B3GAT2: variants seen among roughly 807,000 people sequenced by gnomAD.
B3GAT2 encodes beta-1,3-glucuronyltransferase 2.
A neutral mutation model predicts 27.8 loss-of-function variants in B3GAT2; 26 were observed. The ratio of observed to expected loss-of-function variants is 0.93; its 90% CI spans 0.68 to 1.30. The LOEUF (loss-of-function observed/expected upper bound fraction) is 1.30, where lower values mean the gene tolerates loss of function less well. Among genes scored for constraint, B3GAT2 ranks in the 50% most tolerant of loss-of-function variants. The pLI is 0.00. For missense variants in B3GAT2, 458 were observed against 459.0 expected (o/e 1.00, Z 0.02); for synonymous variants, 218 against 195.1 (o/e 1.12, Z -0.98).
intron 1 of B3GAT2, among the ~76,000 whole-genome samples, chr6:70,905,579 A>T (rs1772588429): frequency 6.6e-6 from 1 of 152,170 alleles, no homozygotes; most frequent in African/African-American, 2.4e-5. Context: ...ATTCCCCAAA[A>T]TGGGTTTCAA....
At chr6:70,871,205 TCTG>T (rs1248197816) in intron 2 of B3GAT2, among the ~76,000 whole-genome samples, 11 of 137,868 alleles carry the variant, frequency 8.0e-5, no homozygotes, top group African/African-American at 2.6e-4. Flanking sequence ...TATAGGTCTG[TCTG>T]TTTTTTTTTT....
Position 70,858,106 on chromosome 6 carries a change from T to C in B3GAT2, c.*3557A>G, listed in dbSNP as rs767098838. 1.2e-6 allele frequency: 2 copies of C among 1,613,922 alleles called. No individual in the cohort carries two copies. The highest frequency in any genetic ancestry group is 3.3e-5 in the Admixed American group (2 of 59,986). ...ATGGGTTTATGGGAAATGCACAAAC[T>C]GGTGTGATGCCACTTCCTCAGAACG... On this transcript the variant is annotated 3_prime_UTR_variant, in exon 4 of 4. Transcript: ENST00000230053.
chr6:70,944,809 T>C (rs970299748), intron 1 of B3GAT2, among the ~76,000 whole-genome samples: 5 of 152,140 alleles, frequency 3.3e-5, no homozygotes, highest in African/African-American at 9.7e-5. Flanking sequence ...GCAGCCTAAC[T>C]GGGAGGCACC....
chr6:70,917,622 A>G (rs1160666916), intron 1 of B3GAT2, among the ~76,000 whole-genome samples: 1 of 152,192 alleles, frequency 6.6e-6, no homozygotes, highest in African/African-American at 2.4e-5. Context: ...GCTTCACAGA[A>G]CATTGTTATT....
At chr6:70,898,888 G>A (rs560557370) in intron 1 of B3GAT2, among the ~76,000 whole-genome samples, 7 of 151,940 alleles carry the variant, frequency 4.6e-5, no homozygotes, top group Admixed American at 2.0e-4. Context: ...GCTTGAGCCC[G>A]GGAAGTAGAG....
chr6:70,891,470 T>C (rs1041799881), intron 2 of B3GAT2, among the ~76,000 whole-genome samples: 1 of 152,058 alleles, frequency 6.6e-6, no homozygotes, highest in Non-Finnish European at 1.5e-5. Flanking sequence ...AACATGGCAA[T>C]AAAATGACAG....
intron 1 of B3GAT2, among the ~76,000 whole-genome samples, chr6:70,918,331 GTCTTGAC>G (rs374235756): frequency 1.3e-3 from 191 of 152,186 alleles, no homozygotes; most frequent in African/African-American, 4.4e-3. Flanking sequence ...ACAGTCAAGG[GTCTTGAC>G]TCTTTATCCA....
chr6:70,956,783 T>G lies in B3GAT2; in HGVS notation c.-354A>C. 1 of 1,115,814 alleles carries G rather than the reference T, an allele frequency of 9.0e-7. No individual in the cohort carries two copies. Among genetic ancestry groups the G allele is most frequent in the Non-Finnish European group, 1.1e-6 (1 of 913,192 alleles). 69.1% of individuals were successfully genotyped at this position (1,115,814 alleles called of 1,614,324 possible). ...TCCCCACCGCGCTCTTTCTGAAGAG[T>G]GGAAGCCGAGAAGCGGCACCCGGTG... On this transcript the variant is annotated 5_prime_UTR_variant, in exon 1 of 4. Coordinates refer to ENST00000230053, the MANE Select transcript of B3GAT2 (RefSeq NM_080742.3).
intron 2 of B3GAT2, among the ~76,000 whole-genome samples, chr6:70,885,300 T>C (rs1203930327): frequency 6.6e-6 from 1 of 152,170 alleles, no homozygotes; most frequent in African/African-American, 2.4e-5. Context: ...CAAGCGGCAC[T>C]CACATGGCAC....
chr6:70,870,816 T>C (rs1002333773), intron 2 of B3GAT2, among the ~76,000 whole-genome samples: 2 of 152,140 alleles, frequency 1.3e-5, no homozygotes, highest in Admixed American at 1.3e-4. Context: ...CTTGTCTTAT[T>C]CTTGATCTTA....
chr6:70,934,991 G>C (rs1434341570), intron 1 of B3GAT2, among the ~76,000 whole-genome samples: 1 of 152,178 alleles, frequency 6.6e-6, no homozygotes, highest in East Asian at 1.9e-4. Context: ...TTCTAAGACA[G>C]AGGCTGATAG....
chr6:70,935,885 C>A (rs1165656318), intron 1 of B3GAT2, among the ~76,000 whole-genome samples: 1 of 151,924 alleles, frequency 6.6e-6, no homozygotes, highest in African/African-American at 2.4e-5. Flanking sequence ...ATGACAGGAT[C>A]AAATTCACAC....
chr6:70,869,804 T>C (rs551287723), intron 2 of B3GAT2, among the ~76,000 whole-genome samples: 1 of 152,342 alleles, frequency 6.6e-6, no homozygotes, highest in South Asian at 2.1e-4. Context: ...TGTTCATCAC[T>C]GGCCATCAGA....
At chr6:70,894,316 A>G (rs1364385467) in intron 1 of B3GAT2, 44 bp from the exon 2 acceptor site, 1 of 1,521,246 alleles carries the variant, frequency 6.6e-7, no homozygotes, top group Non-Finnish European at 8.9e-7. Flanking sequence ...TCCTTAGGAA[A>G]AAGAGGGAGG....
Position 70,956,028 on chromosome 6 carries a change from C to T in B3GAT2, c.402G>A (p.Gly134=), listed in dbSNP as rs149577161. ...GCACGTGCAGGTGAGTGCTGGGCAG[C>T]CCGGCCCGCGCCAGGAAGCGGCTCA... is the stretch of plus-strand genomic sequence containing the variant. ...ELVSRFLARA[G]LPSTHLHVPT... The change falls in exon 1 of 4, where the codon GGG becomes GGA. Residue 134 remains glycine, a synonymous_variant. Coordinates refer to ENST00000230053, the MANE Select transcript of B3GAT2 (RefSeq NM_080742.3). 0.012 allele frequency: 19,223 copies of T among 1,543,294 alleles called. 175 individuals are homozygous for T. The highest frequency in any genetic ancestry group is 0.013 in the Non-Finnish European group (15,192 of 1,152,586).
chr6:70,946,853 C>T (rs202215520), intron 1 of B3GAT2, among the ~76,000 whole-genome samples: 105,318 of 147,778 alleles, frequency 0.71, 37,758 homozygotes, highest in African/African-American at 0.76. Context: ...TCAGCAAATG[C>T]AAAAGAACAG....
At position 70,860,507 on chromosome 6, in the gene B3GAT2, A is replaced by G. The variant is rs1771671725; in HGVS notation, c.*1156T>C. On this transcript the variant is annotated 3_prime_UTR_variant, in exon 4 of 4. Transcript: ENST00000230053. The stretch of plus-strand genomic sequence containing the variant: ...TACTGATTCAATTTGATGTGGTGAA[A>G]AGCAGGTTGATAAATCATTTTATGT... 1 of 618,478 alleles carries G rather than the reference A, an allele frequency of 1.6e-6. No individual in the cohort carries two copies. Among genetic ancestry groups the G allele is most frequent in the South Asian group, 6.3e-5 (1 of 15,880 alleles). The allele number at this position is 618,478 out of a possible 1,614,324, so 38.3% of individuals were successfully genotyped here.
In B3GAT2 at chr6:70,858,295, T is replaced by G; in HGVS notation, c.*3368A>C. On this transcript the variant is annotated 3_prime_UTR_variant, in exon 4 of 4. Coordinates refer to ENST00000230053, the MANE Select transcript of B3GAT2 (RefSeq NM_080742.3). ...AGATTTATTTTCTAAATCTTTTTTT[T>G]TTTTTTTTTTTTTTTTTTTTAAGTC... 8.3e-7 allele frequency: 1 copy of G among 1,209,590 alleles called. No homozygotes were observed. The highest frequency in any genetic ancestry group is 1.7e-5 in the South Asian group (1 of 57,522). The allele number at this position is 1,209,590 out of a possible 1,614,324, so 74.9% of individuals were successfully genotyped here.
intron 2 of B3GAT2, among the ~76,000 whole-genome samples, chr6:70,893,420 CCT>C (rs1772325913): frequency 7.1e-6 from 1 of 140,336 alleles, no homozygotes; most frequent in South Asian, 2.3e-4. Flanking sequence ...TTTTTTTTTG[CCT>C]CTGAGCCTCA....
Sources: gnomAD v4.1 joint callset for allele counts (sites outside exome capture counted in the v4.1 genomes callset) on GRCh38, gnomAD v4.1.1 for gene constraint, MANE v1.5 for transcripts, NCBI Gene and HGNC (gene_info 2026-07-23, HGNC 2026-07-21) for gene names.